TP53BP1: variants seen among roughly 807,000 people sequenced by gnomAD.
The protein encoded by TP53BP1 is TP53-binding protein 1.
A neutral mutation model predicts 200.8 loss-of-function variants in TP53BP1; 61 were observed. The observed-to-expected ratio is 0.30, with a 90% CI of 0.25 to 0.38. The LOEUF (loss-of-function observed/expected upper bound fraction) is 0.38. TP53BP1 is among the 10% of genes least tolerant of loss of function. The pLI is 1.00. For missense variants in TP53BP1, 2,144 were observed against 2,371.9 expected, an observed-to-expected ratio of 0.90 and a Z score of 2.00; for synonymous variants, 822 against 844.3, an observed-to-expected ratio of 0.97 and a Z score of 0.46.
chr15:43,492,225 T>C, intron 2 of TP53BP1, 59 bp downstream of exon 2: 1 of 1,529,224 alleles, frequency 6.5e-7, no homozygotes, highest in Non-Finnish European at 8.9e-7. Flanking sequence ...TTATGTTTGC[T>C]GGTTTTCGGT....
intron 4 of TP53BP1, among the ~76,000 whole-genome samples, chr15:43,482,036 G>A (rs1322657164): frequency 2.0e-5 from 3 of 150,822 alleles, no homozygotes; most frequent in Non-Finnish European, 4.4e-5. Context: ...GACCATCCTG[G>A]CTAACATGGT....
In TP53BP1 at chr15:43,492,423, G is replaced by C. The variant is rs1230564634; in HGVS notation, c.53C>G (p.Ser18Cys). Residue 18 changes from serine to cysteine, a missense_variant, in exon 2 of 28, where the codon TCT becomes TGT. Ser to Cys is a moderately radical substitution (Grantham distance 112). Transcript: ENST00000382044. ...TATCAGGCAAGGAGTATCTTGCTGA[G>C]AGAAATCTGAATCCAACTGACTTCC... ...PTGSQLDSDFSQQDTPCLIIE... is the reference protein window; with the variant it reads ...PTGSQLDSDFCQQDTPCLIIE... 6.2e-7 allele frequency: 1 copy of C among 1,614,050 alleles called. No individual in the cohort carries two copies. The highest frequency in any genetic ancestry group is 1.3e-5 in the African/African-American group (1 of 75,024).
rs185158056 is a variant in TP53BP1, at chr15:43,492,289, C to G, written c.187G>C (p.Val63Leu). The change falls in exon 2 of 28, where the codon GTG (valine) becomes CTG (leucine). Residue 63 changes from valine to leucine, a missense_variant. Transcript: ENST00000382044. Reference sequence around the variant, plus strand: ...TCAAACAAGGTATCACTCACCAACACAGGATTTTCTTTGTGCGTCTGGAGA... The same window carrying G: ...TCAAACAAGGTATCACTCACCAACAGAGGATTTTCTTTGTGCGTCTGGAGA... ...PNLQTHKENP[V>L]LDVVSNPEQT... 175 of 1,613,234 alleles carry G rather than the reference C, an allele frequency of 1.1e-4. 1 individual carries two copies. The South Asian group carries it at 1.8e-3, about 17-fold the overall frequency.
chr15:43,474,140 C>T (rs1322409157), intron 10 of TP53BP1, among the ~76,000 whole-genome samples: 3 of 152,156 alleles, frequency 2.0e-5, no homozygotes, highest in East Asian at 1.9e-4. Context: ...CCTCATTGCC[C>T]GGGGGGCCGG....
At chr15:43,455,742 A>G (rs2046278190) in intron 12 of TP53BP1, 150 bp downstream of exon 12, 1 of 1,088,584 alleles carries the variant, frequency 9.2e-7, no homozygotes, top group Non-Finnish European at 1.3e-6. Flanking sequence ...AAGGCAATCC[A>G]AAAAATTTAA....
chr15:43,495,096 G>GCAGGAGAAT (rs1273539911), upstream of TP53BP1, among the ~76,000 whole-genome samples: 1 of 151,930 alleles, frequency 6.6e-6, no homozygotes. Context: ...GGAGGCTGAG[G>GCAGGAGAAT]TGAGAGCATC....
At chr15:43,421,344 A>G (rs1427233010) in intron 19 of TP53BP1, among the ~76,000 whole-genome samples, 170 bp from the exon 20 acceptor site, 1 of 152,188 alleles carries the variant, frequency 6.6e-6, no homozygotes, top group Non-Finnish European at 1.5e-5. Flanking sequence ...GGGAGTGGGG[A>G]GCGTGGGATA....
chr15:43,426,499 C>T (rs901885192), intron 18 of TP53BP1, among the ~76,000 whole-genome samples: 1 of 148,232 alleles, frequency 6.7e-6, no homozygotes, highest in Non-Finnish European at 1.5e-5. Context: ...TCTGTAAAAC[C>T]AATGAAATCT....
At position 43,403,491 on chromosome 15, in the gene TP53BP1, G is replaced by C. The variant is rs1595503790; in HGVS notation, c.*3892C>G. On this transcript the variant is annotated 3_prime_UTR_variant, in exon 28 of 28. Coordinates refer to ENST00000382044, the MANE Select transcript of TP53BP1 (RefSeq NM_001141980.3). ...GAGTAATACTCGCTTAGCCAGGAAA[G>C]GATGCATTTGTTTTACGCATTTTGT... The C allele has an allele frequency of 1.8e-6, 1 of 549,366 alleles. No homozygotes were observed. The highest frequency in any genetic ancestry group is 3.1e-5 in the East Asian group (1 of 32,600). The allele number at this position is 549,366 out of a possible 1,614,324, so 34.0% of individuals were successfully genotyped here.
intron 11 of TP53BP1, among the ~76,000 whole-genome samples, chr15:43,469,239 T>G (rs1481596578): frequency 1.3e-5 from 2 of 152,130 alleles, no homozygotes; most frequent in African/African-American, 4.8e-5. Context: ...TTTCCCTCGC[T>G]TTTAGAAGAA....
chr15:43,412,879 G>T (rs1175594230), intron 24 of TP53BP1: 1 of 582,370 alleles, frequency 1.7e-6, no homozygotes. Context: ...AAATAGATAA[G>T]ATCTATCTCC....
intron 14 of TP53BP1, among the ~76,000 whole-genome samples, chr15:43,443,138 C>G (rs1273224645): frequency 6.6e-6 from 1 of 151,902 alleles, no homozygotes; most frequent in Non-Finnish European, 1.5e-5. Flanking sequence ...CAGTAACATT[C>G]TTAAATGAAA....
intron 3 of TP53BP1, 114 bp downstream of exon 3, chr15:43,491,888 C>T: frequency 1.9e-6 from 2 of 1,079,656 alleles, no homozygotes; most frequent in South Asian, 2.5e-5. Flanking sequence ...ACGCAGATAC[C>T]ACAGTAGGCT....
chr15:43,455,906 C>A lies in TP53BP1; in HGVS notation c.2702G>T (p.Cys901Phe). ...KPSAHASQSF[C>F]ESSSETPFHF... ...ATCACACTCACCACTAGAACTTTCA[C>A]AGAAGCTTTGTGAGGCATGGGCAGA... The change falls in exon 12 of 28, where the codon TGT becomes TTT. Residue 901 changes from cysteine (C) to phenylalanine (F), a missense_variant. Coordinates refer to ENST00000382044, the MANE Select transcript of TP53BP1 (RefSeq NM_001141980.3). 6.2e-7 allele frequency: 1 copy of A among 1,614,086 alleles called. No homozygotes were observed. Among genetic ancestry groups the A allele is most frequent in the Non-Finnish European group, 8.5e-7 (1 of 1,180,012 alleles).
chr15:43,442,815 CTTTTTTTTTTTTTT>C (rs71111818), intron 14 of TP53BP1, among the ~76,000 whole-genome samples: 7 of 61,002 alleles, frequency 1.1e-4, no homozygotes, highest in Non-Finnish European at 1.1e-4. Context: ...CAGTAATATT[CTTTTTTTTTTTTTT>C]TTTTTTTTTT....
chr15:43,457,661 G>A (rs2046333088), intron 11 of TP53BP1, among the ~76,000 whole-genome samples: 1 of 98,284 alleles, frequency 1.0e-5, no homozygotes, highest in Non-Finnish European at 1.8e-5. Flanking sequence ...GACGGAGTGA[G>A]ACTCCATCTC....
chr15:43,469,891 T>A lies in TP53BP1; in HGVS notation c.1356A>T (p.Ser452=), dbSNP rs2046682036. 1.2e-6 allele frequency: 2 copies of A among 1,613,946 alleles called. No homozygotes were observed. The highest frequency in any genetic ancestry group is 1.7e-6 in the Non-Finnish European group (2 of 1,180,012). The stretch of plus-strand genomic sequence containing the variant: ...ACTGAGGCTGGGATGGGATAGGAAG[T>A]GACCCAGGAGGGAAGACTGGTGTGC... ...SQSTPVFPPG[S]LPIPSQPQFS... The change falls in exon 11 of 28, where the codon TCA becomes TCT. Residue 452 remains serine, a synonymous_variant. Coordinates refer to ENST00000382044, the MANE Select transcript of TP53BP1 (RefSeq NM_001141980.3).
At chr15:43,509,188 C>CAG (rs2079255436) in intron 1 of TP53BP1, among the ~76,000 whole-genome samples, 1 of 1,558 alleles carries the variant, frequency 6.4e-4, no homozygotes, top group African/African-American at 6.3e-3. Context: ...GATCCACAAA[C>CAG]GGGGGGGGGG....
chr15:43,488,763 G>A (rs889292914), intron 4 of TP53BP1, among the ~76,000 whole-genome samples: 3 of 152,098 alleles, frequency 2.0e-5, no homozygotes, highest in African/African-American at 7.2e-5. Context: ...CAGTGGTGGT[G>A]GACACCTGTA....
Sources: gnomAD v4.1 joint callset for allele counts (sites outside exome capture counted in the v4.1 genomes callset) on GRCh38, gnomAD v4.1.1 for gene constraint, MANE v1.5 for transcripts, NCBI Gene and HGNC (gene_info 2026-07-23, HGNC 2026-07-21) for gene names.